Variants in COP1 observed in about 807,000 individuals in gnomAD.
COP1 encodes E3 ubiquitin-protein ligase COP1.
Under a neutral mutation model 101.3 loss-of-function variants are expected in COP1, and 24 were observed. The observed-to-expected ratio is 0.24, with a 90% CI of 0.17 to 0.33. The LOEUF is 0.33. Among genes scored for constraint, COP1 ranks in the 10% least tolerant of loss-of-function variants. The pLI is 1.00. For missense variants in COP1, 663 were observed against 906.2 expected (o/e 0.73, Z 3.45); for synonymous variants, 347 against 341.9 (o/e 1.01, Z -0.17).
At chr1:176,165,378 GTGTGTGTGTGTGTGTGT>G (rs1694949294) in intron 3 of COP1, among the ~76,000 whole-genome samples, 5 of 146,590 alleles carry the variant, frequency 3.4e-5, no homozygotes, top group East Asian at 4.0e-4. Flanking sequence ...GTGTGTGTGT[GTGTGTGTGTGTGTGTGT>G]GTGTGTGTGT....
intron 3 of COP1, chr1:176,168,722 C>A: frequency 8.6e-6 from 3 of 348,590 alleles, no homozygotes; most frequent in South Asian, 2.1e-5. Context: ...CCAAGGGAGG[C>A]AGAGAGGAGC....
At chr1:175,981,361 C>T (rs1009459962) in intron 18 of COP1, among the ~76,000 whole-genome samples, 1 of 152,056 alleles carries the variant, frequency 6.6e-6, no homozygotes, top group African/African-American at 2.4e-5. Context: ...TATTTTCTCT[C>T]TGCCTTCTTT....
At chr1:176,009,672 A>G (rs12029090) in intron 15 of COP1, among the ~76,000 whole-genome samples, 60,516 of 151,896 alleles carry the variant, frequency 0.4, 12,273 homozygotes, top group Middle Eastern at 0.45. Flanking sequence ...GCAAAATTAT[A>G]CCAGTTAATC....
chr1:176,086,882 A>C (rs1200109199), intron 9 of COP1, among the ~76,000 whole-genome samples: 1 of 152,150 alleles, frequency 6.6e-6, no homozygotes, highest in Non-Finnish European at 1.5e-5. Flanking sequence ...CAGTAACCAA[A>C]ACAGCATGGT....
intron 18 of COP1, among the ~76,000 whole-genome samples, chr1:175,959,071 T>G (rs980022996): frequency 1.3e-5 from 2 of 151,784 alleles, no homozygotes; most frequent in African/African-American, 4.8e-5. Context: ...CTAAACAAAA[T>G]AGTAGCAAGT....
intron 15 of COP1, among the ~76,000 whole-genome samples, chr1:176,022,003 T>A (rs1666834841): frequency 6.6e-6 from 1 of 152,222 alleles, no homozygotes; most frequent in Admixed American, 6.5e-5. Flanking sequence ...ATCTATAAAA[T>A]CTCCTAAGAT....
intron 18 of COP1, 87 bp downstream of exon 18, chr1:175,986,856 T>C: frequency 1.8e-6 from 2 of 1,082,846 alleles, no homozygotes; most frequent in African/African-American, 3.2e-5. Flanking sequence ...CACATACCAA[T>C]TTATATTTTA....
rs1698213837 is a variant in COP1, at chr1:176,184,519, A to T, written c.467+114T>A. On this transcript the variant is annotated intron_variant, in intron 2 of 19. Transcript: ENST00000367669. ...CTACAAAGACATGTCAAGAAAAAAA[A>T]TATGACTGTAACATAATCAAAGTTG... 3 of 778,888 alleles carry T rather than the reference A, an allele frequency of 3.9e-6. No individual in the cohort carries two copies. In the African/African-American group the frequency reaches 5.3e-5, roughly 14 times the overall value. The allele number at this position is 778,888 out of a possible 1,614,324, so 48.2% of individuals were successfully genotyped here.
chr1:176,029,076 CAT>C (rs1375701905), intron 14 of COP1, among the ~76,000 whole-genome samples: 1 of 151,914 alleles, frequency 6.6e-6, no homozygotes, highest in Admixed American at 6.6e-5. Context: ...AATGTGTGTG[CAT>C]ATGACTGTAT....
chr1:176,142,185 T>C (rs1281512252), intron 6 of COP1, among the ~76,000 whole-genome samples: 1 of 151,940 alleles, frequency 6.6e-6, no homozygotes, highest in Admixed American at 6.6e-5. Context: ...TACAAATACA[T>C]GATGTAACAG....
intron 9 of COP1, among the ~76,000 whole-genome samples, chr1:176,096,268 C>T (rs896912409): frequency 1.4e-4 from 21 of 151,402 alleles, no homozygotes; most frequent in African/African-American, 4.6e-4. Context: ...CATGCCTCTT[C>T]TTTTTTTTTC....
chr1:176,143,638 A>G (rs1558195089), intron 6 of COP1, among the ~76,000 whole-genome samples: 8 of 152,090 alleles, frequency 5.3e-5, no homozygotes. Context: ...GAGAATATAC[A>G]TAACGGCCAA....
chr1:176,085,985 C>T (rs1462010780), intron 9 of COP1, 95 bp from the exon 10 acceptor site: 2 of 584,880 alleles, frequency 3.4e-6, no homozygotes, highest in Non-Finnish European at 6.1e-6. Flanking sequence ...CTCAGAAGTT[C>T]ATCACAGTAA....
rs1257814835 is a variant in COP1 at position 176,043,275 on chromosome 1, C to T, written c.1531-8G>A. ...ACACCTCTTCTCATGCTCCTGGAAG[C>T]AGAAAGAAGACAGTAGCCTCAGATA... is the stretch of plus-strand genomic sequence containing the variant. On this transcript the variant is annotated splice_polypyrimidine_tract_variant and splice_region_variant and intron_variant, in intron 13 of 19. Transcript: ENST00000367669. 2.5e-6 allele frequency: 4 copies of T among 1,578,602 alleles called. No individual in the cohort carries two copies. Among genetic ancestry groups the T allele is most frequent in the Non-Finnish European group, 3.5e-6 (4 of 1,150,526 alleles).
intron 15 of COP1, among the ~76,000 whole-genome samples, chr1:176,023,735 A>AAG (rs1553225857): frequency 6.5e-5 from 7 of 107,402 alleles, no homozygotes; most frequent in Admixed American, 1.1e-4. Flanking sequence ...AAAAAAAAAA[A>AAG]AAAAGAAAAG....
At chr1:175,973,992 T>C (rs1476838135) in intron 18 of COP1, among the ~76,000 whole-genome samples, 2 of 152,094 alleles carry the variant, frequency 1.3e-5, no homozygotes, top group Non-Finnish European at 2.9e-5. Context: ...TGGTAAGAGA[T>C]TGAGCTGGAG....
At chr1:176,174,583 G>C (rs1203656245) in intron 3 of COP1, among the ~76,000 whole-genome samples, 1 of 152,026 alleles carries the variant, frequency 6.6e-6, no homozygotes, top group African/African-American at 2.4e-5. Context: ...ACAGTGAAGA[G>C]TAACAGAGAA....
At chr1:176,117,966 G>A (rs1686490488) in intron 8 of COP1, among the ~76,000 whole-genome samples, 1 of 152,128 alleles carries the variant, frequency 6.6e-6, no homozygotes, top group African/African-American at 2.4e-5. Context: ...TAAAATTTAA[G>A]CAATTGAGAT....
intron 15 of COP1, among the ~76,000 whole-genome samples, chr1:175,999,702 G>A (rs1261808730): frequency 6.6e-6 from 1 of 152,026 alleles, no homozygotes; most frequent in African/African-American, 2.4e-5. Context: ...CTTCATAGTG[G>A]TTGTACCAAT....
Sources: gnomAD v4.1 joint callset for allele counts (sites outside exome capture counted in the v4.1 genomes callset) on GRCh38, gnomAD v4.1.1 for gene constraint, MANE v1.5 for transcripts, NCBI Gene and HGNC (gene_info 2026-07-23, HGNC 2026-07-21) for gene names.